MLLT10: variants seen among roughly 807,000 people sequenced by gnomAD.
MLLT10 encodes the protein MLLT10 histone lysine methyltransferase DOT1L cofactor, also known as protein AF-10.
MLLT10 carries 30 observed loss-of-function variants against 129.1 expected under a neutral mutation model. The ratio of observed to expected loss-of-function variants is 0.23; its 90% CI spans 0.17 to 0.32. The LOEUF is 0.32. Among genes scored for constraint, MLLT10 ranks in the 10% least tolerant of loss-of-function variants. The pLI, the probability that MLLT10 is intolerant of heterozygous loss-of-function variation, is 1.00. For missense variants in MLLT10, 1,119 were observed against 1,268.3 expected (o/e 0.88, Z 1.79); for synonymous variants, 490 against 446.4 (o/e 1.10, Z -1.23).
In MLLT10 at chr10:21,734,106, A is replaced by G; in HGVS notation, c.2835A>G (p.Pro945=). 1 of 1,611,282 alleles carries G rather than the reference A, an allele frequency of 6.2e-7. No individual in the cohort carries two copies. Among genetic ancestry groups the G allele is most frequent in the Non-Finnish European group, 8.5e-7 (1 of 1,178,196 alleles). ...CCGTACCACCTAATGCAACACATCC[A>G]ATGCCAGCTACACTGACTAACAGGT... is the stretch of plus-strand genomic sequence containing the variant. The part of the protein sequence containing the change: ...HTTVPPNATH[P]MPATLTNSAS... The change falls in exon 20 of 23, where the codon CCA becomes CCG. Residue 945 remains proline (P), a synonymous_variant. Coordinates refer to ENST00000307729, the MANE Select transcript of MLLT10 (RefSeq NM_001195626.3).
At chr10:21,693,665 C>G (rs1485898238) in intron 13 of MLLT10, among the ~76,000 whole-genome samples, 1 of 151,666 alleles carries the variant, frequency 6.6e-6, no homozygotes, top group Non-Finnish European at 1.5e-5. Flanking sequence ...TTCACCGATT[C>G]CCTACACAGT....
intron 3 of MLLT10, among the ~76,000 whole-genome samples, chr10:21,544,935 C>T (rs915807801): frequency 6.6e-6 from 1 of 152,140 alleles, no homozygotes; most frequent in South Asian, 2.1e-4. Flanking sequence ...CACCTGAGAT[C>T]GGGAGTTTGA....
At chr10:21,630,311 C>T (rs1446932022) in intron 8 of MLLT10, among the ~76,000 whole-genome samples, 1 of 152,058 alleles carries the variant, frequency 6.6e-6, no homozygotes, top group African/African-American at 2.4e-5. Context: ...CTAGAGGGCT[C>T]AGTAAGGTTC....
intron 3 of MLLT10, among the ~76,000 whole-genome samples, chr10:21,574,692 T>A (rs543774181): frequency 6.6e-6 from 1 of 152,334 alleles, no homozygotes; most frequent in South Asian, 2.1e-4. Context: ...CCTCCCCTTT[T>A]TAGACTATAT....
chr10:21,535,906 T>C (rs1272658998), intron 2 of MLLT10, among the ~76,000 whole-genome samples: 1 of 152,240 alleles, frequency 6.6e-6, no homozygotes, highest in Non-Finnish European at 1.5e-5. Flanking sequence ...GTACTTACTC[T>C]GAGAATGCTG....
At chr10:21,611,065 T>C (rs2044595043) in intron 5 of MLLT10, among the ~76,000 whole-genome samples, 1 of 149,714 alleles carries the variant, frequency 6.7e-6, no homozygotes, top group South Asian at 2.2e-4. Flanking sequence ...GGCATGATCT[T>C]GGCTCACTGT....
chr10:21,588,516 T>C (rs997718809), intron 4 of MLLT10, among the ~76,000 whole-genome samples: 2 of 152,172 alleles, frequency 1.3e-5, no homozygotes. Context: ...TATACAAGTA[T>C]ATCTATAGGA....
chr10:21,566,508 A>G (rs1036581172), intron 3 of MLLT10, among the ~76,000 whole-genome samples: 8 of 151,322 alleles, frequency 5.3e-5, no homozygotes, highest in Non-Finnish European at 8.8e-5. Flanking sequence ...TTATATTTTT[A>G]GTAGAGATGG....
At chr10:21,691,274 T>C (rs780865267) in intron 13 of MLLT10, among the ~76,000 whole-genome samples, 1 of 152,124 alleles carries the variant, frequency 6.6e-6, no homozygotes, top group African/African-American at 2.4e-5. Flanking sequence ...AAACCTGGAG[T>C]TGTAGACCAT....
chr10:21,624,552 C>T (rs1189139234), intron 8 of MLLT10: 118 of 1,186,524 alleles, frequency 9.9e-5, no homozygotes, highest in South Asian at 3.1e-4. Context: ...TAGAGCCAGT[C>T]GTATCTTGCC....
chr10:21,603,440 A>G (rs2043755103), intron 5 of MLLT10, among the ~76,000 whole-genome samples: 1 of 152,076 alleles, frequency 6.6e-6, no homozygotes, highest in Non-Finnish European at 1.5e-5. Flanking sequence ...AATGTTTCCT[A>G]ATTTGTCTGC....
chr10:21,610,077 CCTT>C (rs2044449825), intron 5 of MLLT10, among the ~76,000 whole-genome samples: 2 of 152,180 alleles, frequency 1.3e-5, no homozygotes, highest in South Asian at 4.1e-4. Context: ...GGACGAGTAG[CCTT>C]CTTCTGAAGA....
chr10:21,704,355 C>CTA (rs1204877963), intron 13 of MLLT10, among the ~76,000 whole-genome samples: 116 of 70,424 alleles, frequency 1.6e-3, no homozygotes, highest in South Asian at 2.1e-3. Context: ...CTCTCTCTCT[C>CTA]TCTATATATA....
intron 7 of MLLT10, among the ~76,000 whole-genome samples, chr10:21,616,742 A>G (rs903663608): frequency 6.6e-6 from 1 of 152,012 alleles, no homozygotes; most frequent in African/African-American, 2.4e-5. Flanking sequence ...TAACACTTCA[A>G]ATATTTACCT....
intron 14 of MLLT10, among the ~76,000 whole-genome samples, chr10:21,714,974 TTTTA>T (rs990254969): frequency 2.0e-5 from 3 of 152,182 alleles, no homozygotes; most frequent in African/African-American, 7.2e-5. Context: ...AAAGTATTTT[TTTTA>T]TTTATTTGAA....
intron 3 of MLLT10, chr10:21,556,630 G>T (rs2038027759): frequency 1.3e-6 from 2 of 1,597,314 alleles, no homozygotes; most frequent in East Asian, 4.5e-5. Flanking sequence ...GGATTGTTTT[G>T]ATTGCTTTTC....
At chr10:21,550,448 T>C (rs1288723621) in intron 3 of MLLT10, among the ~76,000 whole-genome samples, 1 of 152,246 alleles carries the variant, frequency 6.6e-6, no homozygotes, top group African/African-American at 2.4e-5. Context: ...TCTATGTTGC[T>C]GTCATAGTCA....
chr10:21,595,201 A>C, intron 4 of MLLT10, 130 bp from the exon 5 acceptor site: 1 of 591,830 alleles, frequency 1.7e-6, no homozygotes. Flanking sequence ...TAAGACAGCA[A>C]TGAGAATTTG....
At chr10:21,644,917 C>T (rs1429972360) in intron 8 of MLLT10, among the ~76,000 whole-genome samples, 1 of 152,156 alleles carries the variant, frequency 6.6e-6, no homozygotes, top group Non-Finnish European at 1.5e-5. Flanking sequence ...AGGGGAGAGC[C>T]ACTGCACCGG....
Sources: allele counts gnomAD v4.1 joint callset (sites outside exome capture counted in the v4.1 genomes callset), GRCh38; gene constraint gnomAD v4.1.1; transcripts MANE v1.5; gene names NCBI Gene and HGNC (gene_info 2026-07-23, HGNC 2026-07-21).